RBFOX1: variants seen among roughly 807,000 people sequenced by gnomAD.
The protein encoded by RBFOX1 is RNA binding protein fox-1 homolog 1.
In RBFOX1, 8 loss-of-function variants were observed where a neutral mutation model predicts 57.7. The ratio of observed to expected loss-of-function variants is 0.14; its 90% CI spans 0.08 to 0.25. RBFOX1 has a LOEUF of 0.25. Among genes scored for constraint, RBFOX1 ranks in the 10% least tolerant of loss-of-function variants. RBFOX1 has a pLI of 1.00. For synonymous variants in RBFOX1, 326 were observed against 222.4 expected (o/e 1.47, Z -4.15); for missense variants, 611 against 548.5 (o/e 1.11, Z -1.14).
intron 4 of RBFOX1, among the ~76,000 whole-genome samples, chr16:7,106,690 G>A (rs543514319): frequency 9.2e-5 from 14 of 152,068 alleles, no homozygotes; most frequent in South Asian, 6.3e-4. Context: ...TACGATGTGT[G>A]AGCTCCATGC....
chr16:6,859,610 G>A (rs532709949), intron 3 of RBFOX1, among the ~76,000 whole-genome samples: 1 of 151,996 alleles, frequency 6.6e-6, no homozygotes, highest in Non-Finnish European at 1.5e-5. Context: ...AGATCTTCCT[G>A]CCGCCTCTCT....
intron 2 of RBFOX1, among the ~76,000 whole-genome samples, chr16:5,527,090 A>G: frequency 6.6e-6 from 1 of 152,130 alleles, no homozygotes; most frequent in East Asian, 1.9e-4. Flanking sequence ...CCCAACTCTC[A>G]CCAGTCTGGA....
chr16:6,767,947 T>TAATAATAATAATA (rs1410744665), intron 3 of RBFOX1, among the ~76,000 whole-genome samples: 91 of 101,036 alleles, frequency 9.0e-4, no homozygotes, highest in African/African-American at 1.4e-3. Flanking sequence ...ATAATAATAA[T>TAATAATAATAATA]AAGAAGAAGA....
intron 3 of RBFOX1, among the ~76,000 whole-genome samples, chr16:6,741,684 A>T (rs1166226204): frequency 2.0e-5 from 3 of 151,908 alleles, no homozygotes; most frequent in African/African-American, 7.3e-5. Context: ...AAAAAAAAAA[A>T]TTAAGGATGT....
intron 4 of RBFOX1, among the ~76,000 whole-genome samples, chr16:7,311,459 T>G (rs761802465): frequency 6.7e-6 from 1 of 149,864 alleles, no homozygotes; most frequent in Non-Finnish European, 1.5e-5. Flanking sequence ...ATAAAAGGTT[T>G]AGTCTTGATG....
At chr16:6,466,032 C>T (rs1441283411) in intron 2 of RBFOX1, among the ~76,000 whole-genome samples, 1 of 151,816 alleles carries the variant, frequency 6.6e-6, no homozygotes, top group Non-Finnish European at 1.5e-5. Flanking sequence ...AGTTTGAGAC[C>T]AGCCTGGTCA....
At chr16:5,334,898 T>C (rs142308108) in intron 1 of RBFOX1, among the ~76,000 whole-genome samples, 1 of 152,138 alleles carries the variant, frequency 6.6e-6, no homozygotes, top group African/African-American at 2.4e-5. Flanking sequence ...TTTGCTGTTA[T>C]CAGTGAGGCT....
chr16:6,896,157 C>A (rs1015262166), intron 3 of RBFOX1, among the ~76,000 whole-genome samples: 5 of 152,014 alleles, frequency 3.3e-5, no homozygotes, highest in South Asian at 4.2e-4. Flanking sequence ...TCTGTAATCC[C>A]AGCTACTCAG....
chr16:7,206,244 T>G (rs968668263), intron 4 of RBFOX1, among the ~76,000 whole-genome samples: 1 of 152,128 alleles, frequency 6.6e-6, no homozygotes, highest in African/African-American at 2.4e-5. Flanking sequence ...CAGTAACATC[T>G]TAGTCTTTTG....
At chr16:6,888,525 AT>A (rs1567727117) in intron 3 of RBFOX1, among the ~76,000 whole-genome samples, 1 of 152,092 alleles carries the variant, frequency 6.6e-6, no homozygotes, top group African/African-American at 2.4e-5. Flanking sequence ...CTACCGAGAA[AT>A]TTTATCTCCA....
chr16:6,973,715 T>C (rs940199831), intron 3 of RBFOX1, among the ~76,000 whole-genome samples: 2 of 152,224 alleles, frequency 1.3e-5, no homozygotes, highest in African/African-American at 4.8e-5. Flanking sequence ...ATGTTTGTGA[T>C]ACTCACTTTT....
chr16:5,535,959 A>T (rs1306301716), intron 2 of RBFOX1, among the ~76,000 whole-genome samples: 1 of 152,068 alleles, frequency 6.6e-6, no homozygotes. Flanking sequence ...TGAAGTTTTG[A>T]TCTTTCCGAT....
chr16:7,216,731 G>A (rs1567746984), intron 4 of RBFOX1, among the ~76,000 whole-genome samples: 1 of 152,000 alleles, frequency 6.6e-6, no homozygotes, highest in Non-Finnish European at 1.5e-5. Context: ...AATGTAATTA[G>A]CACTCCAGAA....
At chr16:7,048,724 G>A (rs1359297529) in intron 3 of RBFOX1, among the ~76,000 whole-genome samples, 1 of 152,118 alleles carries the variant, frequency 6.6e-6, no homozygotes, top group Admixed American at 6.6e-5. Context: ...GTTGGTGTCT[G>A]TGAATGTCTT....
intron 5 of RBFOX1, among the ~76,000 whole-genome samples, chr16:7,572,471 G>A (rs907011348): frequency 1.3e-5 from 2 of 152,148 alleles, no homozygotes; most frequent in Non-Finnish European, 1.5e-5. Context: ...TCACGGGTAG[G>A]CGACTGGCAT....
At chr16:6,205,176 A>C (rs1233050370) in intron 1 of RBFOX1, among the ~76,000 whole-genome samples, 1 of 152,168 alleles carries the variant, frequency 6.6e-6, no homozygotes, top group Non-Finnish European at 1.5e-5. Context: ...CCATTGGAAA[A>C]GTAATTGACA....
At chr16:7,114,568 C>T (rs2065474912) in intron 4 of RBFOX1, among the ~76,000 whole-genome samples, 1 of 152,066 alleles carries the variant, frequency 6.6e-6, no homozygotes, top group South Asian at 2.1e-4. Context: ...AATTGAATAC[C>T]ATCTATTTAT....
intron 2 of RBFOX1, among the ~76,000 whole-genome samples, chr16:6,320,285 C>G (rs2081612776): frequency 1.3e-5 from 2 of 152,248 alleles, no homozygotes; most frequent in African/African-American, 2.4e-5. Flanking sequence ...CTCTAATTCC[C>G]TACATGCCAC....
At chr16:5,743,702 C>A (rs1048044617) in intron 3 of RBFOX1, among the ~76,000 whole-genome samples, 3 of 152,128 alleles carry the variant, frequency 2.0e-5, no homozygotes, top group African/African-American at 7.2e-5. Flanking sequence ...ACGAGATCTG[C>A]CTTGTAACAA....
Sources: gnomAD v4.1 joint callset for allele counts (sites outside exome capture counted in the v4.1 genomes callset) on GRCh38, gnomAD v4.1.1 for gene constraint, MANE v1.5 for transcripts, NCBI Gene and HGNC (gene_info 2026-07-23, HGNC 2026-07-21) for gene names.